GLO1: variants seen among roughly 807,000 people sequenced by gnomAD.
GLO1 encodes glyoxalase I, also known as lactoylglutathione lyase.
GLO1 carries 28 observed loss-of-function variants against 26.0 expected under a neutral mutation model. The observed-to-expected ratio is 1.08, with a 90% CI of 0.80 to 1.48. GLO1 has a LOEUF of 1.48. Among genes scored for constraint, GLO1 ranks in the 40% most tolerant of loss-of-function variants. The pLI is 0.00. For missense variants in GLO1, 225 were observed against 224.8 expected, an observed-to-expected ratio of 1.00 and a Z score of -0.01; for synonymous variants, 78 against 77.6, an observed-to-expected ratio of 1.00 and a Z score of -0.03.
At chr6:38,692,364 C>T (rs770670640) in intron 1 of GLO1, among the ~76,000 whole-genome samples, 2 of 151,980 alleles carry the variant, frequency 1.3e-5, no homozygotes, top group Non-Finnish European at 2.9e-5. Context: ...TATAGAAACG[C>T]GATTGATTTC....
chr6:38,685,313 C>T (rs1339045860), intron 2 of GLO1, among the ~76,000 whole-genome samples: 1 of 152,084 alleles, frequency 6.6e-6, no homozygotes, highest in Admixed American at 6.6e-5. Flanking sequence ...GTAGAAGAGA[C>T]TGATGGGAGA....
intron 2 of GLO1, among the ~76,000 whole-genome samples, chr6:38,686,630 G>A (rs1353596661): frequency 6.6e-6 from 1 of 152,210 alleles, no homozygotes; most frequent in Non-Finnish European, 1.5e-5. Context: ...ACACATTAAG[G>A]ATTTAGCTGG....
intron 1 of GLO1, 132 bp from the exon 2 acceptor site, chr6:38,687,106 A>G: frequency 7.0e-7 from 1 of 1,436,132 alleles, no homozygotes; most frequent in Non-Finnish European, 9.1e-7. Flanking sequence ...CTCTCTGCTC[A>G]GTGGTATCTT....
At chr6:38,697,655 T>C (rs1322916068) in intron 1 of GLO1, among the ~76,000 whole-genome samples, 1 of 152,238 alleles carries the variant, frequency 6.6e-6, no homozygotes, top group Non-Finnish European at 1.5e-5. Context: ...TTTTTCATTG[T>C]TTTCTGGGAA....
chr6:38,690,627 T>C (rs1359673471), intron 1 of GLO1, among the ~76,000 whole-genome samples: 1 of 152,208 alleles, frequency 6.6e-6, no homozygotes, highest in Non-Finnish European at 1.5e-5. Context: ...AAATTAATGT[T>C]ACAGACTTTA....
At position 38,682,089 on chromosome 6, in the gene GLO1, A is replaced by G. The variant is rs755882211; in HGVS notation, c.389T>C (p.Ile130Thr). The G allele has an allele frequency of 6.3e-7, 1 of 1,575,338 alleles. No homozygotes were observed. Among genetic ancestry groups the G allele is most frequent in the South Asian group, 1.1e-5 (1 of 90,326 alleles). ...SDPRGFGHIG[I>T]AVPDVYSACK... is the part of the protein sequence containing the mutation. Reference sequence around the variant, plus strand: ...AGCACTGTATACATCAGGAACAGCAATTCCAATATGACCTTACGTGATACC... The same window carrying G: ...AGCACTGTATACATCAGGAACAGCAGTTCCAATATGACCTTACGTGATACC... Residue 130 changes from isoleucine to threonine, a missense_variant, in exon 5 of 6, where the codon ATT becomes ACT. Transcript: ENST00000373365.
At position 38,684,457 on chromosome 6, in the gene GLO1, A is replaced by G. The variant is rs1289032774; in HGVS notation, c.225T>C (p.Tyr75=). 1.3e-6 allele frequency: 2 copies of G among 1,572,562 alleles called. No homozygotes were observed. Among genetic ancestry groups the G allele is most frequent in the Admixed American group, 1.8e-5 (1 of 55,592 alleles). Residue 75 remains tyrosine (Y), a synonymous_variant, in exon 3 of 6, where the codon TAT becomes TAC. Coordinates refer to ENST00000373365, the MANE Select transcript of GLO1 (RefSeq NM_006708.3). ...CTTTAGGGATGTCATTTTTATCCTC[A>G]TAAGCCAAGAAGTAGAGTGAAAACT... ...IMKFSLYFLA[Y]EDKNDIPKEK... is the part of the protein sequence containing the mutation.
Position 38,702,853 on chromosome 6 carries a change from C to T in GLO1, c.84+118G>A, listed in dbSNP as rs944124621. The T allele has an allele frequency of 2.7e-5, 17 of 632,994 alleles. No homozygotes were observed. In the South Asian group the frequency reaches 2.7e-4, roughly 10 times the overall value. The allele number at this position is 632,994 out of a possible 1,614,324, so 39.2% of individuals were successfully genotyped here. On this transcript the variant is annotated intron_variant, in intron 1 of 5. Coordinates refer to ENST00000373365, the MANE Select transcript of GLO1 (RefSeq NM_006708.3). ...CACCATTATCCCTCTTCCCATCACA[C>T]TCCCGTCCGCCCGAGGCCGGCGGAC... is the stretch of plus-strand genomic sequence containing the variant.
At chr6:38,700,071 A>C (rs1273963894) in intron 1 of GLO1, among the ~76,000 whole-genome samples, 1 of 152,202 alleles carries the variant, frequency 6.6e-6, no homozygotes, top group Non-Finnish European at 1.5e-5. Flanking sequence ...TCAGGTGGGC[A>C]TCACAGTCCT....
At chr6:38,701,292 T>C (rs759035617) in intron 1 of GLO1, among the ~76,000 whole-genome samples, 1 of 152,172 alleles carries the variant, frequency 6.6e-6, no homozygotes, top group Admixed American at 6.5e-5. Flanking sequence ...AATTAAACAA[T>C]GTACTTAAAA....
At chr6:38,686,129 A>G (rs1761457282) in intron 2 of GLO1, among the ~76,000 whole-genome samples, 1 of 152,220 alleles carries the variant, frequency 6.6e-6, no homozygotes, top group African/African-American at 2.4e-5. Flanking sequence ...ACTGGACAGC[A>G]GTTATCTCTG....
chr6:38,693,685 C>CTATATATATATATATATATA (rs1170645548), intron 1 of GLO1, among the ~76,000 whole-genome samples: 2 of 86,442 alleles, frequency 2.3e-5, no homozygotes, highest in East Asian at 2.9e-4. Context: ...CTCTCTCTCT[C>CTATATATATATATATATATA]TATATATATA....
At chr6:38,701,088 G>T (rs1761690675) in intron 1 of GLO1, among the ~76,000 whole-genome samples, 1 of 151,300 alleles carries the variant, frequency 6.6e-6, no homozygotes, top group African/African-American at 2.5e-5. Flanking sequence ...CTTCATTGAG[G>T]TTTTTTATTT....
chr6:38,702,186 C>G (rs1179041774), intron 1 of GLO1, among the ~76,000 whole-genome samples: 1 of 152,138 alleles, frequency 6.6e-6, no homozygotes, highest in Non-Finnish European at 1.5e-5. Flanking sequence ...CTTGGCCTCC[C>G]AAAGTGCTGG....
chr6:38,684,410 C>T lies in GLO1; in HGVS notation c.272G>A (p.Trp91Ter). The change falls in exon 3 of 6, where the codon TGG (tryptophan) becomes TAG (stop). Residue 91 changes from tryptophan to a stop codon, truncating the protein, a stop_gained. Coordinates refer to ENST00000373365, the MANE Select transcript of GLO1 (RefSeq NM_006708.3). LOFTEE classifies it high-confidence loss of function. ...IPKEKDEKIA[W>*]ALSRKATLEL... ...AAGTGTAGCTTTTCTGGAGAGCGCC[C>T]AGGCTATTTTTTCATCTTTTTCTTT... 9 of 1,566,626 alleles carry T rather than the reference C, an allele frequency of 5.7e-6. No homozygotes were observed. Among genetic ancestry groups the T allele is most frequent in the Non-Finnish European group, 7.8e-6 (9 of 1,154,392 alleles).
At chr6:38,697,002 T>C (rs945465492) in intron 1 of GLO1, among the ~76,000 whole-genome samples, 1 of 150,692 alleles carries the variant, frequency 6.6e-6, no homozygotes, top group African/African-American at 2.4e-5. Context: ...CACTGCAACC[T>C]CTGCCTCCCA....
intron 1 of GLO1, among the ~76,000 whole-genome samples, chr6:38,691,938 A>T (rs1021831723): frequency 6.6e-6 from 1 of 152,142 alleles, no homozygotes; most frequent in Non-Finnish European, 1.5e-5. Context: ...TCAATGTTCT[A>T]TCTCTCTGCC....
chr6:38,694,884 C>A (rs999960550), intron 1 of GLO1, among the ~76,000 whole-genome samples: 1 of 152,104 alleles, frequency 6.6e-6, no homozygotes. Flanking sequence ...TTTCTTTGCC[C>A]CAAAGTCTAC....
chr6:38,694,653 T>C (rs927407766), intron 1 of GLO1, among the ~76,000 whole-genome samples: 5 of 151,934 alleles, frequency 3.3e-5, no homozygotes, highest in African/African-American at 4.8e-5. Flanking sequence ...CACTCCAGCC[T>C]GGGTGACAGG....
Sources: allele counts gnomAD v4.1 joint callset (sites outside exome capture counted in the v4.1 genomes callset), GRCh38; gene constraint gnomAD v4.1.1; transcripts MANE v1.5; gene names NCBI Gene and HGNC (gene_info 2026-07-23, HGNC 2026-07-21).